TYROBP: variants seen among roughly 807,000 people sequenced by gnomAD.
TYROBP encodes transmembrane immune signaling adaptor TYROBP, also known as TYRO protein tyrosine kinase-binding protein.
A neutral mutation model predicts 17.1 loss-of-function variants in TYROBP; 14 were observed. The ratio of observed to expected loss-of-function variants is 0.82; its 90% CI spans 0.54 to 1.28. TYROBP has a LOEUF of 1.28. Among genes scored for constraint, TYROBP ranks in the 50% most tolerant of loss-of-function variants. The pLI, the probability that TYROBP is intolerant of heterozygous loss-of-function variation, is 0.00. For missense variants in TYROBP, 161 were observed against 151.4 expected (o/e 1.06, Z -0.33); for synonymous variants, 73 against 67.4 (o/e 1.08, Z -0.41).
At position 35,908,085 on chromosome 19, in the gene TYROBP, T is replaced by C. The variant is rs117350916; in HGVS notation, c.61+83A>G. On this transcript the variant is annotated intron_variant, in intron 1 of 4. Transcript: ENST00000262629. Reference sequence around the variant, plus strand: ...CTCCCATCCCAACACCCACTTTTGGTTCTCTCGTTCCACCCCACTCCCTGC... The same window carrying C: ...CTCCCATCCCAACACCCACTTTTGGCTCTCTCGTTCCACCCCACTCCCTGC... The C allele has an allele frequency of 1.3e-3, 1,688 of 1,271,028 alleles. 4 individuals carry two copies. Among genetic ancestry groups the C allele is most frequent in the Admixed American group, 2.4e-3 (127 of 52,544 alleles). The allele number at this position is 1,271,028 out of a possible 1,614,324, so 78.7% of individuals were successfully genotyped here. A position where few individuals can be genotyped will look rare whatever the true frequency, so the allele number is the denominator to read the frequency against.
intron 2 of TYROBP, 45 bp from the exon 3 acceptor site, chr19:35,907,625 T>C: frequency 6.2e-7 from 1 of 1,612,602 alleles, no homozygotes; most frequent in Middle Eastern, 1.6e-4. Flanking sequence ...CTGGGAACTG[T>C]GGGGAGGGGG....
At chr19:35,907,308 GT>G in intron 3 of TYROBP, 44 bp from the exon 4 acceptor site, 1 of 1,611,084 alleles carries the variant, frequency 6.2e-7, no homozygotes, top group Non-Finnish European at 8.5e-7. Context: ...AGGCAGAGTG[GT>G]GAGTTGAGGG....
chr19:35,906,485 G>A (rs1975727312), intron 4 of TYROBP, among the ~76,000 whole-genome samples: 1 of 151,310 alleles, frequency 6.6e-6, no homozygotes, highest in Admixed American at 6.6e-5. Flanking sequence ...TGGGAGTCTA[G>A]ATTTTCTTAG....
At chr19:35,908,092 G>A (rs916666272) in intron 1 of TYROBP, 76 bp downstream of exon 1, 14 of 1,348,558 alleles carry the variant, frequency 1.0e-5, no homozygotes, top group African/African-American at 4.3e-5. Context: ...TGGTTCTCTC[G>A]TTCCACCCCA....
chr19:35,904,473 G>A lies in TYROBP; in HGVS notation c.*96C>T, dbSNP rs974871983. On this transcript the variant is annotated 3_prime_UTR_variant, in exon 5 of 5. Transcript: ENST00000262629. ...TGGTCTCTCAGGGATGGCACTCTGT[G>A]GGTCTGTATCGCGGTAGGAGTTGGA... 1 of 1,268,624 alleles carries A rather than the reference G, an allele frequency of 7.9e-7. No homozygotes were observed. Among genetic ancestry groups the A allele is most frequent in the Admixed American group, 1.9e-5 (1 of 52,618 alleles). 78.6% of individuals were successfully genotyped at this position (1,268,624 alleles called of 1,614,324 possible).
intron 4 of TYROBP, 129 bp downstream of exon 4, chr19:35,907,089 T>C (rs1246301223): frequency 4.5e-6 from 4 of 892,278 alleles, no homozygotes; most frequent in Non-Finnish European, 7.3e-6. Context: ...AGATGTCCCA[T>C]GTGCCTTCAA....
At chr19:35,905,677 G>T (rs1002261404) in intron 4 of TYROBP, among the ~76,000 whole-genome samples, 54 of 151,230 alleles carry the variant, frequency 3.6e-4, no homozygotes, top group Admixed American at 6.6e-4. Context: ...AATTAAGGCC[G>T]GGCGCGGTGG....
At position 35,907,730 on chromosome 19, in the gene TYROBP, C is replaced by G. The variant is rs758290972; in HGVS notation, c.94G>C (p.Asp32His). 1 of 1,613,948 alleles carries G rather than the reference C, an allele frequency of 6.2e-7. No individual in the cohort carries two copies. ...LRPVQAQAQS[D>H]CSCSTVSPGV... ...GAGGGACTGCTGGGTCTAGGCCTAC[C>G]GCTCTGGGCCTGGGCCTGGACAGGA... The change falls in exon 2 of 5, where the codon GAT (aspartate) becomes CAT (histidine). Residue 32 changes from aspartate to histidine, a missense_variant and splice_region_variant. Coordinates refer to ENST00000262629, the MANE Select transcript of TYROBP (RefSeq NM_003332.4).
In TYROBP at chr19:35,908,163, C is replaced by A. The variant is rs773677253; in HGVS notation, c.61+5G>T. 1 of 1,613,784 alleles carries A rather than the reference C, an allele frequency of 6.2e-7. No homozygotes were observed. Among genetic ancestry groups the A allele is most frequent in the Non-Finnish European group, 8.5e-7 (1 of 1,179,888 alleles). On this transcript the variant is annotated splice_donor_5th_base_variant and intron_variant, in intron 1 of 4. Coordinates refer to ENST00000262629, the MANE Select transcript of TYROBP (RefSeq NM_003332.4). The stretch of plus-strand genomic sequence containing the variant: ...GGGAGGCAGCCACGGAAGCCCCTAA[C>A]TCACCACTTACAGCCAGCAGGAGAG...
chr19:35,904,728 C>T (rs1462283813), intron 4 of TYROBP, 94 bp from the exon 5 acceptor site: 6 of 1,130,232 alleles, frequency 5.3e-6, no homozygotes, highest in African/African-American at 1.5e-5. Context: ...CTTCTTCAGC[C>T]TTATAGCCAT....
chr19:35,907,632 G>C, intron 2 of TYROBP, 52 bp from the exon 3 acceptor site: 5 of 1,613,396 alleles, frequency 3.1e-6, no homozygotes, highest in Non-Finnish European at 4.2e-6. Flanking sequence ...CTGTGGGGAG[G>C]GGGGTCAGCG....
chr19:35,908,294 G>GTGAA lies in TYROBP; in HGVS notation c.-67_-66insTTCA, dbSNP rs1975781883. On this transcript the variant is annotated 5_prime_UTR_variant, in exon 1 of 5. Transcript: ENST00000262629. The stretch of plus-strand genomic sequence containing the variant: ...GGGATGTGGCGCAGCGTCCAGGCAA[G>GTGAA]TGAAGGAGGAAGTCTGAGGCGGGTG... 1 of 1,429,716 alleles carries GTGAA rather than the reference G, an allele frequency of 7.0e-7. No individual in the cohort carries two copies. Among genetic ancestry groups the GTGAA allele is most frequent in the African/African-American group, 1.4e-5 (1 of 71,118 alleles). The allele number at this position is 1,429,716 out of a possible 1,614,324, so 88.6% of individuals were successfully genotyped here.
rs1975768981 is a variant in TYROBP, at chr19:35,907,831, G to A, written c.62-69C>T. 3.2e-6 allele frequency: 5 copies of A among 1,545,078 alleles called. No individual in the cohort carries two copies. The Admixed American group carries it at 8.9e-5, about 27-fold the overall frequency. The stretch of plus-strand genomic sequence containing the variant: ...GGGGGTGGGGGAGGCAAGTTTAGAA[G>A]CCAGGGAAGGTGGATCCTGACAGCC... On this transcript the variant is annotated intron_variant, in intron 1 of 4. Transcript: ENST00000262629.
At position 35,908,284 on chromosome 19, in the gene TYROBP, G is replaced by T; in HGVS notation, c.-56C>A. On this transcript the variant is annotated 5_prime_UTR_variant, in exon 1 of 5. Transcript: ENST00000262629. Reference sequence around the variant, plus strand: ...AAGGGCCGGTGGGATGTGGCGCAGCGTCCAGGCAAGTGAAGGAGGAAGTCT... The same window carrying T: ...AAGGGCCGGTGGGATGTGGCGCAGCTTCCAGGCAAGTGAAGGAGGAAGTCT... The T allele has an allele frequency of 1.3e-6, 2 of 1,488,322 alleles. No individual in the cohort carries two copies. Among genetic ancestry groups the T allele is most frequent in the Non-Finnish European group, 1.9e-6 (2 of 1,066,034 alleles). The allele number at this position is 1,488,322 out of a possible 1,614,324, so 92.2% of individuals were successfully genotyped here.
chr19:35,908,127 C>T (rs1975775544), intron 1 of TYROBP, 41 bp downstream of exon 1: 1 of 1,588,856 alleles, frequency 6.3e-7, no homozygotes, highest in Non-Finnish European at 8.6e-7. Flanking sequence ...CCAAGCTGAG[C>T]CCAGGGACCC....
chr19:35,906,877 T>C (rs59478831), intron 4 of TYROBP, among the ~76,000 whole-genome samples: 17,439 of 151,970 alleles, frequency 0.11, 2,160 homozygotes, highest in African/African-American at 0.31. Context: ...CAGGCATGCG[T>C]TACCACGCCC....
intron 2 of TYROBP, 62 bp from the exon 3 acceptor site, chr19:35,907,642 G>C: frequency 6.2e-7 from 1 of 1,612,894 alleles, no homozygotes; most frequent in East Asian, 2.2e-5. Context: ...GGGGGTCAGC[G>C]GCAGGGAGGT....
intron 4 of TYROBP, among the ~76,000 whole-genome samples, 175 bp downstream of exon 4, chr19:35,907,043 T>C (rs1236003993): frequency 6.6e-6 from 1 of 152,134 alleles, no homozygotes; most frequent in African/African-American, 2.4e-5. Context: ...AAGCTGACCA[T>C]AAGCTTGTGG....
At chr19:35,905,868 G>A (rs1367572667) in intron 4 of TYROBP, among the ~76,000 whole-genome samples, 2 of 150,622 alleles carry the variant, frequency 1.3e-5, no homozygotes, top group South Asian at 2.1e-4. Context: ...CAAGAGAATC[G>A]CTTGAACCTG....
Sources: gnomAD v4.1 joint callset for allele counts (sites outside exome capture counted in the v4.1 genomes callset) on GRCh38, gnomAD v4.1.1 for gene constraint, MANE v1.5 for transcripts, NCBI Gene and HGNC (gene_info 2026-07-23, HGNC 2026-07-21) for gene names.